NAV2: variants seen among roughly 807,000 people sequenced by gnomAD.
NAV2 encodes helicase, APC down-regulated 1.
A neutral mutation model predicts 223.2 loss-of-function variants in NAV2; 54 were observed. The ratio of observed to expected loss-of-function variants is 0.24; its 90% confidence interval spans 0.19 to 0.30. NAV2 has a LOEUF of 0.30. Among genes scored for constraint, NAV2 ranks in the 10% least tolerant of loss-of-function variants. The pLI is 1.00. For synonymous variants in NAV2, 1,279 were observed against 1,239.3 expected (o/e 1.03, Z -0.67); for missense variants, 2,806 against 3,147.5 (o/e 0.89, Z 2.60).
chr11:19,733,571 G>C (rs1014191125), intron 1 of NAV2, among the ~76,000 whole-genome samples: 2 of 152,224 alleles, frequency 1.3e-5, no homozygotes, highest in Non-Finnish European at 1.5e-5. Context: ...TTCCTGACTT[G>C]ATAACATGGG....
chr11:19,494,475 A>G (rs2042730769), intron 1 of NAV2, among the ~76,000 whole-genome samples: 1 of 152,216 alleles, frequency 6.6e-6, no homozygotes, highest in Non-Finnish European at 1.5e-5. Context: ...CCCACTTCCC[A>G]GTAAAGTTGT....
intron 11 of NAV2, among the ~76,000 whole-genome samples, chr11:19,991,521 T>G (rs1254108560): frequency 2.0e-5 from 3 of 152,212 alleles, no homozygotes; most frequent in Non-Finnish European, 4.4e-5. Context: ...ATTTAATTAA[T>G]TAGCTCATAA....
intron 1 of NAV2, among the ~76,000 whole-genome samples, chr11:19,472,244 T>TA (rs2041986755): frequency 6.6e-6 from 1 of 152,156 alleles, no homozygotes; most frequent in African/African-American, 2.4e-5. Context: ...GTATAGAGGA[T>TA]AAGCACATAG....
intron 1 of NAV2, among the ~76,000 whole-genome samples, chr11:19,648,057 G>A (rs1187994691): frequency 6.6e-6 from 1 of 152,190 alleles, no homozygotes; most frequent in Non-Finnish European, 1.5e-5. Context: ...GTATGCTGGA[G>A]TCAGCTTATA....
chr11:19,638,999 A>G (rs919634591), intron 1 of NAV2, among the ~76,000 whole-genome samples: 1 of 152,216 alleles, frequency 6.6e-6, no homozygotes, highest in Non-Finnish European at 1.5e-5. Flanking sequence ...TTTCAAATAA[A>G]TAATAATAAA....
chr11:19,953,914 G>A (rs2178682), intron 10 of NAV2, among the ~76,000 whole-genome samples: 138,148 of 152,108 alleles, frequency 0.91, 62,827 homozygotes, highest in East Asian at 0.98. Flanking sequence ...TTCCTAGCAG[G>A]CAGACAGCAC....
chr11:19,994,152 A>T (rs1230557427), intron 11 of NAV2, among the ~76,000 whole-genome samples: 1 of 152,150 alleles, frequency 6.6e-6, no homozygotes, highest in Non-Finnish European at 1.5e-5. Context: ...GATGTGAAAG[A>T]TCCTTTAGAA....
chr11:19,767,360 G>A (rs2055318905), intron 1 of NAV2, among the ~76,000 whole-genome samples: 1 of 152,152 alleles, frequency 6.6e-6, no homozygotes, highest in South Asian at 2.1e-4. Context: ...AGATGGTCTG[G>A]GATCTAATCA....
intron 1 of NAV2, among the ~76,000 whole-genome samples, chr11:19,462,095 C>T (rs1852187516): frequency 1.3e-5 from 2 of 152,186 alleles, no homozygotes; most frequent in Admixed American, 1.3e-4. Flanking sequence ...AGATGTGAGC[C>T]ACCGCACCCA....
intron 1 of NAV2, among the ~76,000 whole-genome samples, chr11:19,662,017 G>T (rs60870562): frequency 0.037 from 5,557 of 152,196 alleles, 312 homozygotes; most frequent in African/African-American, 0.12. Context: ...AAAAGTGCTG[G>T]GTTTGATTAG....
chr11:19,544,215 G>T (rs567421273), intron 1 of NAV2, among the ~76,000 whole-genome samples: 1 of 152,300 alleles, frequency 6.6e-6, no homozygotes, highest in African/African-American at 2.4e-5. Context: ...CCGAGTGATT[G>T]AAGGAGAATG....
At chr11:19,797,833 G>C (rs532940373) in intron 1 of NAV2, among the ~76,000 whole-genome samples, 1 of 152,228 alleles carries the variant, frequency 6.6e-6, no homozygotes, top group East Asian at 1.9e-4. Context: ...CTCCTCAGGT[G>C]GTCCTGAGGA....
chr11:19,859,999 A>AC (rs777023725), intron 3 of NAV2, among the ~76,000 whole-genome samples: 5,669 of 43,954 alleles, frequency 0.13, 814 homozygotes, highest in African/African-American at 0.17. Flanking sequence ...CGGGGGGCTG[A>AC]CCCCCCCTCC....
At chr11:19,517,843 T>C (rs1460487578) in intron 1 of NAV2, among the ~76,000 whole-genome samples, 1 of 152,204 alleles carries the variant, frequency 6.6e-6, no homozygotes, top group African/African-American at 2.4e-5. Flanking sequence ...GATAGAGACA[T>C]GGCTGCAAAA....
At position 19,894,849 on chromosome 11, in the gene NAV2, G is replaced by A. The variant is rs527399605; in HGVS notation, c.931+2255G>A. 2.6e-5 allele frequency among the ~76,000 whole-genome samples: 4 copies of A among 152,262 alleles called. No individual in the cohort carries two copies. The South Asian group carries it at 8.3e-4, about 32-fold the overall frequency. On this transcript the variant is annotated intron_variant, in intron 6 of 37. Transcript: ENST00000349880. ...GGGTTCAAGCGATTCTCCTGCCTCAGCCTCCCTAGTAGCTGGGATTACAGG... is the reference window on the plus strand; with the variant it reads ...GGGTTCAAGCGATTCTCCTGCCTCAACCTCCCTAGTAGCTGGGATTACAGG...
intron 10 of NAV2, among the ~76,000 whole-genome samples, chr11:19,963,442 A>G (rs1358665265): frequency 2.0e-5 from 3 of 152,214 alleles, no homozygotes; most frequent in African/African-American, 4.8e-5. Flanking sequence ...ATCCGAATAT[A>G]TGGAAGGCAA....
intron 11 of NAV2, among the ~76,000 whole-genome samples, chr11:20,001,483 T>C (rs1289175305): frequency 1.3e-5 from 2 of 152,040 alleles, no homozygotes; most frequent in African/African-American, 4.8e-5. Flanking sequence ...TTTAGATGGA[T>C]GGGTTATCTC....
At chr11:19,914,746 T>G (rs888351410) in intron 6 of NAV2, among the ~76,000 whole-genome samples, 5 of 151,624 alleles carry the variant, frequency 3.3e-5, no homozygotes, top group Non-Finnish European at 5.9e-5. Context: ...GGGTTTCACC[T>G]TGTTAGCCAG....
At chr11:19,514,219 G>C (rs2043369191) in intron 1 of NAV2, among the ~76,000 whole-genome samples, 1 of 152,070 alleles carries the variant, frequency 6.6e-6, no homozygotes, top group Non-Finnish European at 1.5e-5. Context: ...AGGGTGTTTT[G>C]TGTTTGTCTT....
Sources: allele counts gnomAD v4.1 joint callset (sites outside exome capture counted in the v4.1 genomes callset), GRCh38; gene constraint gnomAD v4.1.1; transcripts MANE v1.5; gene names NCBI Gene and HGNC (gene_info 2026-07-23, HGNC 2026-07-21).